The following CENPH variants were observed in gnomAD, a reference collection of about 807,000 sequenced individuals.
CENPH encodes the protein CENP-H.
A neutral mutation model predicts 42.9 loss-of-function variants in CENPH; 40 were observed. The ratio of observed to expected loss-of-function variants is 0.93; its 90% CI spans 0.72 to 1.21. The LOEUF (loss-of-function observed/expected upper bound fraction) is 1.21, where lower values mean the gene tolerates loss of function less well. CENPH is among the 50% of genes most tolerant of loss of function. The pLI, the probability that CENPH is intolerant of heterozygous loss-of-function variation, is 0.00. For missense variants in CENPH, 302 were observed against 292.9 expected (o/e 1.03, Z -0.23); for synonymous variants, 88 against 96.5 (o/e 0.91, Z 0.52).
chr5:69,189,863 C>G, intron 1 of CENPH, 95 bp downstream of exon 1: 2 of 1,334,142 alleles, frequency 1.5e-6, no homozygotes, highest in Middle Eastern at 2.7e-4. Flanking sequence ...AATTCACGCT[C>G]GGTCACGTCA....
chr5:69,204,366 G>T (rs1430868080), intron 7 of CENPH, among the ~76,000 whole-genome samples: 1 of 143,634 alleles, frequency 7.0e-6, no homozygotes, highest in East Asian at 2.2e-4. Context: ...TTGCAGTTCA[G>T]TGCAGCTTTG....
At chr5:69,206,975 GT>G (rs976360983) in intron 7 of CENPH, among the ~76,000 whole-genome samples, 2 of 152,036 alleles carry the variant, frequency 1.3e-5, no homozygotes, top group African/African-American at 4.8e-5. Flanking sequence ...CTTCCAAAGT[GT>G]TGGAATTATA....
chr5:69,208,075 T>G, intron 7 of CENPH, 121 bp from the exon 8 acceptor site: 1 of 506,204 alleles, frequency 2.0e-6, no homozygotes, highest in African/African-American at 2.0e-5. Flanking sequence ...CCTAAAATGC[T>G]GCTTATTAAA....
chr5:69,204,573 A>T (rs978222357), intron 7 of CENPH, among the ~76,000 whole-genome samples: 8 of 137,420 alleles, frequency 5.8e-5, no homozygotes, highest in Non-Finnish European at 9.3e-5. Context: ...TACAGGCATG[A>T]GCTACCACAC....
chr5:69,191,959 T>C (rs1379825017), intron 2 of CENPH, 109 bp downstream of exon 2: 1 of 604,300 alleles, frequency 1.7e-6, no homozygotes, highest in Non-Finnish European at 2.9e-6. Flanking sequence ...GTCTCTGGTT[T>C]ACTGCAGCCT....
rs566721097 is a variant in CENPH at position 69,200,549 on chromosome 5, T to A, written c.372-1957T>A. Reference sequence around the variant, plus strand: ...CTTTTAAGACAACCAAATATAGCTGTAAATAGTAGAAAAATGAGTTCAGCT... The same window carrying A: ...CTTTTAAGACAACCAAATATAGCTGAAAATAGTAGAAAAATGAGTTCAGCT... On this transcript the variant is annotated intron_variant, in intron 5 of 8. Coordinates refer to ENST00000283006, the MANE Select transcript of CENPH (RefSeq NM_022909.4). Among the ~76,000 whole-genome samples the A allele has an allele frequency of 7.9e-5, 12 of 152,146 alleles. No homozygotes were observed. In the East Asian group the frequency reaches 2.3e-3, roughly 29 times the overall value.
At chr5:69,203,359 ATTTTTTAATATGGTATTT>A (rs1748089417) in intron 7 of CENPH, among the ~76,000 whole-genome samples, 1 of 143,972 alleles carries the variant, frequency 6.9e-6, no homozygotes, top group Admixed American at 7.1e-5. Context: ...GTTAAAAAAA[ATTTTTTAATATGGTATTT>A]TTTTTTGGAG....
chr5:69,198,192 T>G (rs1747997501), intron 5 of CENPH, among the ~76,000 whole-genome samples: 1 of 152,110 alleles, frequency 6.6e-6, no homozygotes, highest in South Asian at 2.1e-4. Flanking sequence ...AGTCCTGGGA[T>G]TACAGGTGTG....
chr5:69,197,910 GATC>G (rs1301927730), intron 5 of CENPH, among the ~76,000 whole-genome samples: 3 of 124,064 alleles, frequency 2.4e-5, no homozygotes, highest in South Asian at 2.7e-4. Flanking sequence ...TCTTACCTAT[GATC>G]TTTTTTTTTT....
At chr5:69,199,207 C>G (rs1208552785) in intron 5 of CENPH, among the ~76,000 whole-genome samples, 1 of 152,094 alleles carries the variant, frequency 6.6e-6, no homozygotes, top group African/African-American at 2.4e-5. Context: ...GAGACAGGGC[C>G]TCACTCTGTT....
chr5:69,208,314 A>T lies in CENPH; in HGVS notation c.606A>T (p.Leu202=). The T allele has an allele frequency of 6.2e-7, 1 of 1,600,284 alleles. No homozygotes were observed. Among genetic ancestry groups the T allele is most frequent in the Non-Finnish European group, 8.6e-7 (1 of 1,168,474 alleles). Residue 202 remains leucine (L), a synonymous_variant, in exon 8 of 9, where the codon CTA becomes CTT. Transcript: ENST00000283006. The stretch of plus-strand genomic sequence containing the variant: ...GGATAAAGATCATACGACAAAACCT[A>T]CAGATGGAGATAAAAATTACTACTG... The part of the protein sequence containing the change: ...SERIKIIRQN[L]QMEIKITTVI...
At chr5:69,198,899 C>T (rs1748011226) in intron 5 of CENPH, among the ~76,000 whole-genome samples, 1 of 151,948 alleles carries the variant, frequency 6.6e-6, no homozygotes, top group South Asian at 2.1e-4. Flanking sequence ...AAGCTGTGAT[C>T]TTGCCACAGC....
At chr5:69,200,594 TC>T (rs1748040823) in intron 5 of CENPH, among the ~76,000 whole-genome samples, 1 of 152,064 alleles carries the variant, frequency 6.6e-6, no homozygotes, top group African/African-American at 2.4e-5. Flanking sequence ...TTGTGCATAT[TC>T]CCCTTTTGAC....
In CENPH at chr5:69,189,709, A is replaced by T. The variant is rs1039772169; in HGVS notation, c.75A>T (p.Pro25=). 3 of 1,570,376 alleles carry T rather than the reference A, an allele frequency of 1.9e-6. No individual in the cohort carries two copies. The East Asian group carries it at 7.0e-5, about 37-fold the overall frequency. The stretch of plus-strand genomic sequence containing the variant: ...GAGGGGAAGGCCGGGCAGGCGGGCC[A>T]CCGCAGGTCGCCGGCGCCCAGGCGG... ...DSGGEGRAGG[P]PQVAGAQAAC... The change falls in exon 1 of 9, where the codon CCA becomes CCT. Residue 25 remains proline, a synonymous_variant. Coordinates refer to ENST00000283006, the MANE Select transcript of CENPH (RefSeq NM_022909.4).
At chr5:69,199,076 C>T (rs1748014174) in intron 5 of CENPH, among the ~76,000 whole-genome samples, 1 of 152,200 alleles carries the variant, frequency 6.6e-6, no homozygotes, top group African/African-American at 2.4e-5. Context: ...GAAATGTAAT[C>T]ACTGACATGA....
intron 7 of CENPH, among the ~76,000 whole-genome samples, chr5:69,204,022 TTA>T (rs61606298): frequency 0.26 from 19,043 of 73,812 alleles, 2,638 homozygotes; most frequent in African/African-American, 0.36. Flanking sequence ...TATATATAAA[TTA>T]TATATATAAT....
chr5:69,206,537 G>A (rs1748163217), intron 7 of CENPH, among the ~76,000 whole-genome samples: 1 of 151,900 alleles, frequency 6.6e-6, no homozygotes, highest in Admixed American at 6.6e-5. Flanking sequence ...CACCCAGGCT[G>A]GAGTGCAATG....
At chr5:69,207,546 G>A (rs184821544) in intron 7 of CENPH, among the ~76,000 whole-genome samples, 16 of 150,870 alleles carry the variant, frequency 1.1e-4, no homozygotes, top group South Asian at 2.1e-4. Context: ...GGTGGCTCAC[G>A]CCTGTAATCT....
intron 7 of CENPH, among the ~76,000 whole-genome samples, chr5:69,207,530 G>A (rs928138151): frequency 4.0e-5 from 6 of 151,282 alleles, no homozygotes; most frequent in African/African-American, 9.7e-5. Flanking sequence ...TTCCTTGGCC[G>A]GGCGCGGTGG....
Sources: allele counts gnomAD v4.1 joint callset (sites outside exome capture counted in the v4.1 genomes callset), GRCh38; gene constraint gnomAD v4.1.1; transcripts MANE v1.5; gene names NCBI Gene and HGNC (gene_info 2026-07-23, HGNC 2026-07-21).